The following CPNE9 variants were observed in gnomAD, a reference collection of about 807,000 sequenced individuals.
The protein encoded by CPNE9 is copine family member 9.
A neutral mutation model predicts 83.0 loss-of-function variants in CPNE9; 59 were observed. The observed-to-expected ratio is 0.71, with a 90% confidence interval of 0.58 to 0.88. The LOEUF (loss-of-function observed/expected upper bound fraction) is 0.88, where lower values mean the gene tolerates loss of function less well. Among genes scored for constraint, CPNE9 ranks in the 40% least tolerant of loss-of-function variants. The pLI is 0.00. For missense variants in CPNE9, 619 were observed against 720.8 expected (o/e 0.86, Z 1.62); for synonymous variants, 256 against 273.4 (o/e 0.94, Z 0.63).
In CPNE9 at chr3:9,726,598, G is replaced by A. The variant is rs2076786942; in HGVS notation, c.1345-67G>A. On this transcript the variant is annotated intron_variant, in intron 18 of 20. Transcript: ENST00000383832. Reference sequence around the variant, plus strand: ...CCATGACACACATACACAGAGAACTGTCTCCCAACAGTCACCTCCCTAGTG... The same window carrying A: ...CCATGACACACATACACAGAGAACTATCTCCCAACAGTCACCTCCCTAGTG... The A allele has an allele frequency of 1.3e-5, 16 of 1,253,672 alleles. No individual in the cohort carries two copies. In the South Asian group the frequency reaches 1.9e-4, roughly 15 times the overall value. The allele number at this position is 1,253,672 out of a possible 1,614,324, so 77.7% of individuals were successfully genotyped here. A position where few individuals can be genotyped will look rare whatever the true frequency, so the allele number is the denominator to read the frequency against.
At position 9,712,552 on chromosome 3, in the gene CPNE9, G is replaced by C. The variant is rs1403407050; in HGVS notation, c.389G>C (p.Gly130Ala). 11 of 1,614,130 alleles carry C rather than the reference G, an allele frequency of 6.8e-6. No homozygotes were observed. The highest frequency in any genetic ancestry group is 9.3e-6 in the Non-Finnish European group (11 of 1,179,972). The change falls in exon 8 of 21, where the codon GGC becomes GCC. Residue 130 changes from glycine (G) to alanine (A), a missense_variant. By Grantham distance (60) the Gly-to-Ala change is moderately conservative. Transcript: ENST00000383832. ...RVERTLTGVP[G>A]KKCGTILLTA... ...TTTTCTGCTTCCAGGGGTGTACCAG[G>C]CAAGAAGTGTGGGACCATATTGCTG...
At chr3:9,727,012 A>T in intron 19 of CPNE9, 101 bp from the exon 20 acceptor site, 1 of 1,183,888 alleles carries the variant, frequency 8.4e-7, no homozygotes, top group Non-Finnish European at 1.3e-6. Context: ...CACAAGCATT[A>T]GGCATTCTCC....
intron 17 of CPNE9, among the ~76,000 whole-genome samples, chr3:9,720,911 C>T (rs6796883): frequency 0.12 from 18,463 of 152,154 alleles, 1,275 homozygotes; most frequent in Admixed American, 0.19. Flanking sequence ...GATTCTTAAC[C>T]TCTCTGCGCC....
chr3:9,713,977 G>A (rs2076654307), intron 10 of CPNE9, among the ~76,000 whole-genome samples: 1 of 152,114 alleles, frequency 6.6e-6, no homozygotes, highest in Non-Finnish European at 1.5e-5. Flanking sequence ...GGAGGCTGAG[G>A]CAGGAGAATG....
At chr3:9,717,350 T>C (rs2076693255) in intron 15 of CPNE9, among the ~76,000 whole-genome samples, 1 of 151,846 alleles carries the variant, frequency 6.6e-6, no homozygotes, top group South Asian at 2.1e-4. Context: ...AAAGGGGGTA[T>C]AAGGAGAGAT....
At chr3:9,726,077 A>G in intron 18 of CPNE9, 26 bp downstream of exon 18, 1 of 1,456,126 alleles carries the variant, frequency 6.9e-7, no homozygotes, top group Non-Finnish European at 9.5e-7. Context: ...AGGGCTTGGC[A>G]GGGAGGAGTA....
chr3:9,728,588 T>A (rs1259243610), intron 20 of CPNE9, among the ~76,000 whole-genome samples: 5 of 151,706 alleles, frequency 3.3e-5, no homozygotes, highest in East Asian at 1.9e-4. Flanking sequence ...GCACCATTGC[T>A]CTCCAGCCTG....
intron 16 of CPNE9, 60 bp downstream of exon 16, chr3:9,718,270 G>T (rs893016862): frequency 1.3e-6 from 2 of 1,511,420 alleles, no homozygotes; most frequent in South Asian, 1.2e-5. Context: ...CCAAGTTGAT[G>T]ATTTTGTTCT....
At chr3:9,710,608 T>A (rs1308309085) in intron 7 of CPNE9, among the ~76,000 whole-genome samples, 1 of 152,230 alleles carries the variant, frequency 6.6e-6, no homozygotes, top group Non-Finnish European at 1.5e-5. Context: ...ATCATGCATT[T>A]GAAATGAGAC....
At chr3:9,707,438 CCAGGATGCTACCAG>C (rs1326150334) in intron 7 of CPNE9, among the ~76,000 whole-genome samples, 1 of 150,090 alleles carries the variant, frequency 6.7e-6, no homozygotes, top group Non-Finnish European at 1.5e-5. Context: ...TGACAGTAAT[CCAGGATGCTACCAG>C]TGAAGGAGGG....
rs1183603710 is a variant in CPNE9 at position 9,704,031 on chromosome 3, C to G, written c.35C>G (p.Pro12Arg). 6.2e-7 allele frequency: 1 copy of G among 1,608,656 alleles called. No homozygotes were observed. Residue 12 changes from proline to arginine, a missense_variant, in exon 1 of 21, where the codon CCG becomes CGG. Around this residue, in one of 3 missense-constraint regions of CPNE9, gnomAD observed 130 missense variants for 117.5 expected, o/e 1.11. Coordinates refer to ENST00000383832, the MANE Select transcript of CPNE9 (RefSeq NM_153635.3). This position sits in a 1 kb window ranked among gnomAD's most constrained non-coding sequence, Gnocchi z 7.1. ...GGCGGAGCCTCCGAGCGCAGCGTCC[C>G]GGCCACCAAGATTGAAATTACCGTG... is the stretch of plus-strand genomic sequence containing the variant. ...SLGGASERSVPATKIEITVSC... is the reference protein window; with the variant it reads ...SLGGASERSVRATKIEITVSC...
At chr3:9,708,438 G>A (rs1204134725) in intron 7 of CPNE9, among the ~76,000 whole-genome samples, 1 of 152,208 alleles carries the variant, frequency 6.6e-6, no homozygotes, top group African/African-American at 2.4e-5. Flanking sequence ...CCAAGAGAGG[G>A]TGATGTCATG....
chr3:9,721,177 G>A (rs1008651239), intron 17 of CPNE9, among the ~76,000 whole-genome samples: 3 of 152,156 alleles, frequency 2.0e-5, no homozygotes, highest in South Asian at 2.1e-4. Flanking sequence ...GGGAGCTCCC[G>A]CCTTGGTGCA....
At position 9,713,166 on chromosome 3, in the gene CPNE9, A is replaced by G. The variant is rs141393743; in HGVS notation, c.650+87A>G. The G allele has an allele frequency of 1.2e-4, 128 of 1,030,578 alleles. No homozygotes were observed. In the African/African-American group the frequency reaches 1.5e-3, roughly 12 times the overall value. 63.8% of individuals were successfully genotyped at this position (1,030,578 alleles called of 1,614,324 possible). ...CCAAGAATGATAGTAGAAGTATCATAATAGCGTTGGAGGGTCCTGCTCAGT... is the reference window on the plus strand; with the variant it reads ...CCAAGAATGATAGTAGAAGTATCATGATAGCGTTGGAGGGTCCTGCTCAGT... On this transcript the variant is annotated intron_variant, in intron 10 of 20. Coordinates refer to ENST00000383832, the MANE Select transcript of CPNE9 (RefSeq NM_153635.3).
chr3:9,727,844 A>G (rs1447414151), intron 20 of CPNE9, among the ~76,000 whole-genome samples: 1 of 152,236 alleles, frequency 6.6e-6, no homozygotes, highest in Non-Finnish European at 1.5e-5. Flanking sequence ...TAGACTCATT[A>G]GTGAGGAAGC....
At chr3:9,721,901 T>G (rs952269831) in intron 17 of CPNE9, among the ~76,000 whole-genome samples, 1 of 151,964 alleles carries the variant, frequency 6.6e-6, no homozygotes, top group Non-Finnish European at 1.5e-5. Context: ...ATTTTAAACA[T>G]AGGAACTGTT....
rs764893932 is a variant in CPNE9, at chr3:9,715,486, G to A, written c.782G>A (p.Arg261Gln). ...TCCTCCCCTTAGGTTCTTAACCCTC[G>A]GAAGAAATGTAAGAAGAAGAAATAT... ...QFTVYEVLNP[R>Q]KKCKKKKYVN... Residue 261 changes from arginine (R) to glutamine (Q), a missense_variant, in exon 13 of 21, where the codon CGG becomes CAG. Transcript: ENST00000383832. The A allele has an allele frequency of 3.1e-5, 50 of 1,613,856 alleles. No homozygotes were observed. Among genetic ancestry groups the A allele is most frequent in the South Asian group, 5.5e-5 (5 of 91,084 alleles).
In CPNE9 at chr3:9,715,505, G is replaced by T; in HGVS notation, c.801G>T (p.Lys267Asn). Reference sequence around the variant, plus strand: ...ACCCTCGGAAGAAATGTAAGAAGAAGAAATATGTCAACTCAGGAACTGTGA... The same window carrying T: ...ACCCTCGGAAGAAATGTAAGAAGAATAAATATGTCAACTCAGGAACTGTGA... The part of the protein sequence containing the change: ...VLNPRKKCKK[K>N]KYVNSGTVTL... Residue 267 changes from lysine to asparagine, a missense_variant, in exon 13 of 21, where the codon AAG becomes AAT. Physicochemically the swap from Lys to Asn is moderately conservative, Grantham distance 94. Coordinates refer to ENST00000383832, the MANE Select transcript of CPNE9 (RefSeq NM_153635.3). 6.2e-7 allele frequency: 1 copy of T among 1,614,032 alleles called. No individual in the cohort carries two copies.
chr3:9,713,157 A>T, intron 10 of CPNE9, 78 bp downstream of exon 10: 2 of 1,092,230 alleles, frequency 1.8e-6, no homozygotes, highest in Non-Finnish European at 2.8e-6. Context: ...ATGATAGTAG[A>T]AGTATCATAA....
Sources: gnomAD v4.1 joint callset for allele counts (sites outside exome capture counted in the v4.1 genomes callset) on GRCh38, gnomAD v4.1.1 for gene constraint, gnomAD v4.1.1 regional missense constraint, Gnocchi (gnomAD v3.1) non-coding constraint, MANE v1.5 for transcripts, NCBI Gene and HGNC (gene_info 2026-07-23, HGNC 2026-07-21) for gene names.